Variants in PRRC2B observed in about 807,000 individuals in gnomAD.
The protein encoded by PRRC2B is protein PRRC2B.
PRRC2B carries 68 observed loss-of-function variants against 242.3 expected under a neutral mutation model. The ratio of observed to expected loss-of-function variants is 0.28; its 90% CI spans 0.23 to 0.34. PRRC2B has a LOEUF of 0.34. PRRC2B is among the 10% of genes least tolerant of loss of function. PRRC2B has a pLI of 1.00. For missense variants in PRRC2B, 2,835 were observed against 2,954.8 expected (o/e 0.96, Z 0.94); for synonymous variants, 1,228 against 1,173.6 (o/e 1.05, Z -0.95).
intron 19 of PRRC2B, among the ~76,000 whole-genome samples, chr9:131,480,387 T>A (rs1170106143): frequency 6.6e-6 from 1 of 152,210 alleles, no homozygotes; most frequent in Non-Finnish European, 1.5e-5. Context: ...CTACATTTGG[T>A]AGTGGCTGAG....
intron 28 of PRRC2B, 120 bp from the exon 29 acceptor site, chr9:131,491,305 G>C: frequency 9.7e-7 from 1 of 1,030,356 alleles, no homozygotes; most frequent in East Asian, 2.8e-5. Flanking sequence ...CTTTATGCAG[G>C]CTTTGCTTTA....
intron 9 of PRRC2B, among the ~76,000 whole-genome samples, chr9:131,450,564 C>G (rs1481692065): frequency 2.0e-5 from 3 of 151,118 alleles, no homozygotes; most frequent in Admixed American, 6.6e-5. Flanking sequence ...TGCACCCCAC[C>G]TGACATCTTA....
At chr9:131,385,243 A>G (rs915023790) in intron 1 of PRRC2B, among the ~76,000 whole-genome samples, 1 of 149,386 alleles carries the variant, frequency 6.7e-6, no homozygotes, top group African/African-American at 2.4e-5. Context: ...TGGGAGGCTG[A>G]GGCAGGAGAA....
At chr9:131,399,893 C>G (rs1421798108) in intron 1 of PRRC2B, among the ~76,000 whole-genome samples, 1 of 152,116 alleles carries the variant, frequency 6.6e-6, no homozygotes, top group Non-Finnish European at 1.5e-5. Context: ...CCTCTTTTCC[C>G]TCCTATAAGA....
chr9:131,425,065 C>G (rs192006653), intron 1 of PRRC2B, among the ~76,000 whole-genome samples: 474 of 152,104 alleles, frequency 3.1e-3, no homozygotes, highest in Non-Finnish European at 4.7e-3. Flanking sequence ...CTCCTGGGTT[C>G]AAGTGATTCT....
At chr9:131,386,480 C>T (rs1022614120) in intron 1 of PRRC2B, among the ~76,000 whole-genome samples, 5 of 150,166 alleles carry the variant, frequency 3.3e-5, no homozygotes, top group Admixed American at 7.0e-5. Flanking sequence ...AGGGTGTCAC[C>T]CCACTTCCAG....
intron 1 of PRRC2B, among the ~76,000 whole-genome samples, chr9:131,399,083 C>T (rs1241782813): frequency 2.0e-5 from 3 of 151,244 alleles, no homozygotes; most frequent in Non-Finnish European, 4.4e-5. Context: ...CAAGACCAGC[C>T]TGGCCAACAT....
At chr9:131,420,497 T>TTTCTTTCTTTCTTTCTTTCTTTC (rs1837801640) in intron 1 of PRRC2B, among the ~76,000 whole-genome samples, 1 of 16,432 alleles carries the variant, frequency 6.1e-5, no homozygotes, top group East Asian at 3.0e-3. Context: ...TTCTTTCTTT[T>TTTCTTTCTTTCTTTCTTTCTTTC]TTTTTTTTTT....
intron 1 of PRRC2B, among the ~76,000 whole-genome samples, chr9:131,420,480 T>TCTTTCTTC (rs1837790129): frequency 6.8e-5 from 1 of 14,696 alleles, no homozygotes; most frequent in Non-Finnish European, 2.1e-4. Flanking sequence ...TTTCTTTCTT[T>TCTTTCTTC]CTTTCTTTCT....
At chr9:131,477,590 A>C (rs1943740323) in intron 16 of PRRC2B, among the ~76,000 whole-genome samples, 154 bp from the exon 17 acceptor site, 1 of 152,208 alleles carries the variant, frequency 6.6e-6, no homozygotes, top group African/African-American at 2.4e-5. Context: ...ACATGGATGC[A>C]CTGTGGCCAG....
intron 1 of PRRC2B, among the ~76,000 whole-genome samples, chr9:131,399,984 A>G (rs896564601): frequency 1.3e-5 from 2 of 152,186 alleles, no homozygotes; most frequent in African/African-American, 4.8e-5. Context: ...TTCTGGGGTC[A>G]GAGGATTGCA....
chr9:131,465,027 C>T lies in PRRC2B; in HGVS notation c.1669C>T (p.Pro557Ser), dbSNP rs760737518. Reference protein sequence around the residue: ...KQAEKEVPWSPSAEKASPQEN... With the variant: ...KQAEKEVPWSSSAEKASPQEN... ...GGCAGAGAAGGAAGTGCCCTGGTCT[C>T]CAAGTGCTGAGAAGGCATCTCCCCA... is the stretch of plus-strand genomic sequence containing the variant. The change falls in exon 12 of 32, where the codon CCA becomes TCA. Residue 557 changes from proline (P) to serine (S), a missense_variant. Transcript: ENST00000683519. The T allele has an allele frequency of 3.1e-6, 5 of 1,613,984 alleles. No homozygotes were observed. The highest frequency in any genetic ancestry group is 1.3e-5 in the African/African-American group (1 of 75,024).
chr9:131,476,619 G>A (rs889351890), intron 16 of PRRC2B, 84 bp downstream of exon 16: 7 of 1,291,198 alleles, frequency 5.4e-6, no homozygotes, highest in South Asian at 1.5e-5. Flanking sequence ...TGCCGATGCC[G>A]CCGTGTGTCG....
At chr9:131,416,764 G>C (rs990004013) in intron 1 of PRRC2B, among the ~76,000 whole-genome samples, 7 of 152,016 alleles carry the variant, frequency 4.6e-5, no homozygotes, top group Admixed American at 3.9e-4. Context: ...TCCTCGATTT[G>C]GGATTTGTCG....
At chr9:131,442,120 C>CTTTT (rs576145724) in intron 5 of PRRC2B, among the ~76,000 whole-genome samples, 1 of 150,832 alleles carries the variant, frequency 6.6e-6, no homozygotes, top group African/African-American at 2.4e-5. Flanking sequence ...TCAAATCTAC[C>CTTTT]TTTTTTTTTG....
In PRRC2B at chr9:131,487,343, T is replaced by A; in HGVS notation, c.5984+49T>A. 1 of 1,525,652 alleles carries A rather than the reference T, an allele frequency of 6.6e-7. No homozygotes were observed. The highest frequency in any genetic ancestry group is 8.8e-7 in the Non-Finnish European group (1 of 1,131,652). The allele number at this position is 1,525,652 out of a possible 1,614,324, so 94.5% of individuals were successfully genotyped here. On this transcript the variant is annotated intron_variant, in intron 27 of 31. Transcript: ENST00000683519. This position sits in a 1 kb window ranked among gnomAD's most constrained non-coding sequence, Gnocchi z 5.3. ...GAGCTGGCAGCTCACAGCCAGGGCC[T>A]TGGCCCTGTGTGCAGCCTTCGTCCT...
chr9:131,429,517 G>A (rs997512520), intron 1 of PRRC2B, among the ~76,000 whole-genome samples: 14 of 152,206 alleles, frequency 9.2e-5, no homozygotes, highest in African/African-American at 3.4e-4. Context: ...TGTTGCCTAA[G>A]CAGATGTTTT....
At chr9:131,472,151 G>A (rs1943564364) in intron 14 of PRRC2B, among the ~76,000 whole-genome samples, 1 of 152,124 alleles carries the variant, frequency 6.6e-6, no homozygotes, top group Non-Finnish European at 1.5e-5. Context: ...AGTATTTGAA[G>A]TCTTTTGTTC....
Position 131,430,233 on chromosome 9 carries a change from A to G in PRRC2B, c.89A>G (p.Lys30Arg), listed in dbSNP as rs752566438. ...AGCCTGTTTGATAAGTATAAAGGAAAATCAGTAGACGCGATTAGATCCTCA... is the reference window on the plus strand; with the variant it reads ...AGCCTGTTTGATAAGTATAAAGGAAGATCAGTAGACGCGATTAGATCCTCA... ...TLSLFDKYKG[K>R]SVDAIRSSVI... The change falls in exon 2 of 32, where the codon AAA becomes AGA. Residue 30 changes from lysine to arginine, a missense_variant. Transcript: ENST00000683519. 2 of 1,602,074 alleles carry G rather than the reference A, an allele frequency of 1.2e-6. No individual in the cohort carries two copies. Among genetic ancestry groups the G allele is most frequent in the Non-Finnish European group, 8.5e-7 (1 of 1,173,956 alleles).
Sources: gnomAD v4.1 joint callset for allele counts (sites outside exome capture counted in the v4.1 genomes callset) on GRCh38, gnomAD v4.1.1 for gene constraint, Gnocchi (gnomAD v3.1) non-coding constraint, MANE v1.5 for transcripts, NCBI Gene and HGNC (gene_info 2026-07-23, HGNC 2026-07-21) for gene names.